The following PCDHGB7 variants were observed in gnomAD, a reference collection of about 807,000 sequenced individuals.
The protein encoded by PCDHGB7 is protocadherin gamma-B7.
A neutral mutation model predicts 61.4 loss-of-function variants in PCDHGB7; 37 were observed. The observed-to-expected ratio is 0.60, with a 90% CI of 0.46 to 0.79. PCDHGB7 has a LOEUF of 0.79. Among genes scored for constraint, PCDHGB7 ranks in the 30% least tolerant of loss-of-function variants. The pLI, the probability that PCDHGB7 is intolerant of heterozygous loss-of-function variation, is 0.00. For synonymous variants in PCDHGB7, 464 were observed against 503.5 expected (o/e 0.92, Z 1.05); for missense variants, 1,166 against 1,202.5 (o/e 0.97, Z 0.45).
intron 1 of PCDHGB7, chr5:141,429,265 T>C (rs1297239650): frequency 6.6e-6 from 1 of 152,148 alleles, no homozygotes; most frequent in Non-Finnish European, 1.5e-5. Flanking sequence ...GAGGAATAAA[T>C]TTTTTTCCTG....
At chr5:141,505,300 G>A in intron 2 of PCDHGB7, 93 bp from the exon 3 acceptor site, 1 of 1,589,042 alleles carries the variant, frequency 6.3e-7, no homozygotes, top group South Asian at 1.1e-5. Flanking sequence ...GGTAGGGTTA[G>A]GGTACTAGGT....
In PCDHGB7 at chr5:141,491,832, C is replaced by A; in HGVS notation, c.2416-2975C>A. On this transcript the variant is annotated intron_variant, in intron 1 of 3. Coordinates refer to ENST00000398594, the MANE Select transcript of PCDHGB7 (RefSeq NM_018927.4). The surrounding 1 kb of genome is among the most constrained non-coding windows in gnomAD (Gnocchi z 6.9). ...GTCGCTGGCTGCGCTCCACCCGATT[C>A]TCGGGATCATTGGACCGTTTGCGCG... 6.8e-7 allele frequency: 1 copy of A among 1,474,424 alleles called. No individual in the cohort carries two copies. 91.3% of individuals were successfully genotyped at this position (1,474,424 alleles called of 1,614,324 possible).
rs1040753474 is a variant in PCDHGB7 at position 141,511,446 on chromosome 5, G to T, written c.*273G>T. 3.1e-6 allele frequency: 2 copies of T among 654,526 alleles called. No individual in the cohort carries two copies. The highest frequency in any genetic ancestry group is 3.7e-5 in the African/African-American group (2 of 54,758). 40.5% of individuals were successfully genotyped at this position (654,526 alleles called of 1,614,324 possible). A position where few individuals can be genotyped will look rare whatever the true frequency, so the allele number is the denominator to read the frequency against. ...GTAGTGGGGTTACTGTAGACACCAA[G>T]AACCATTTGCCACACCCCGTTTAGT... On this transcript the variant is annotated 3_prime_UTR_variant, in exon 4 of 4. Transcript: ENST00000398594.
At position 141,423,482 on chromosome 5, in the gene PCDHGB7, A is replaced by T. The variant is rs553914622; in HGVS notation, c.2415+3208A>T. On this transcript the variant is annotated intron_variant, in intron 1 of 3. Transcript: ENST00000398594. ...GTGGACGGGGTACAGGCTTTCCTGC[A>T]AACCTATTCCCACGAGGTCTCTCTC... is the stretch of plus-strand genomic sequence containing the variant. 1.1e-5 allele frequency: 17 copies of T among 1,613,968 alleles called. No homozygotes were observed. The African/African-American group carries it at 2.3e-4, about 22-fold the overall frequency.
intron 1 of PCDHGB7, among the ~76,000 whole-genome samples, chr5:141,482,385 A>T (rs1238551737): frequency 6.6e-6 from 1 of 152,210 alleles, no homozygotes; most frequent in Non-Finnish European, 1.5e-5. Context: ...AAGTCCCTGT[A>T]TGGAGCAAGT....
chr5:141,430,629 C>A, intron 1 of PCDHGB7: 1 of 812,246 alleles, frequency 1.2e-6, no homozygotes. Context: ...AGGAATGAAC[C>A]ATCCCTGGGA....
At position 141,491,154 on chromosome 5, in the gene PCDHGB7, C is replaced by T. The variant is rs773308291; in HGVS notation, c.2416-3653C>T. ...CAGCCCGGGCCTTACTGGAGGATGACTCTGACACCCAGCAGGTGGTGGTCC... is the reference window on the plus strand; with the variant it reads ...CAGCCCGGGCCTTACTGGAGGATGATTCTGACACCCAGCAGGTGGTGGTCC... On this transcript the variant is annotated intron_variant, in intron 1 of 3. Coordinates refer to ENST00000398594, the MANE Select transcript of PCDHGB7 (RefSeq NM_018927.4). The surrounding 1 kb of genome is among the most constrained non-coding windows in gnomAD (Gnocchi z 6.9). The T allele has an allele frequency of 6.2e-7, 1 of 1,614,162 alleles. No homozygotes were observed. The highest frequency in any genetic ancestry group is 1.7e-5 in the Admixed American group (1 of 60,026).
chr5:141,501,478 T>A (rs536337246), intron 2 of PCDHGB7, among the ~76,000 whole-genome samples: 5 of 151,890 alleles, frequency 3.3e-5, no homozygotes, highest in Non-Finnish European at 7.4e-5. Flanking sequence ...CCTGGAAGAG[T>A]CCCTCATATC....
intron 1 of PCDHGB7, among the ~76,000 whole-genome samples, chr5:141,462,483 G>T (rs1402125086): frequency 2.0e-5 from 3 of 151,986 alleles, no homozygotes; most frequent in African/African-American, 7.3e-5. Context: ...TCTCGTGGTT[G>T]TTGTATCCTA....
chr5:141,428,426 C>T (rs1040765233), intron 1 of PCDHGB7: 1 of 435,172 alleles, frequency 2.3e-6, no homozygotes, highest in African/African-American at 2.0e-5. Context: ...GGTCTCTGTT[C>T]TAAGACTAGA....
At chr5:141,464,685 C>A (rs1283627323) in intron 1 of PCDHGB7, among the ~76,000 whole-genome samples, 1 of 152,006 alleles carries the variant, frequency 6.6e-6, no homozygotes, top group Non-Finnish European at 1.5e-5. Flanking sequence ...ATTAAAATTT[C>A]TCTTATTATG....
chr5:141,494,674 C>A lies in PCDHGB7; in HGVS notation c.2416-133C>A, dbSNP rs532644387. ...ATTTTGTCTTTGGAGATGAGTCCAC[C>A]CCTGCCCCCTCTTAGTCCGTTTTCT... is the stretch of plus-strand genomic sequence containing the variant. On this transcript the variant is annotated intron_variant, in intron 1 of 3. Transcript: ENST00000398594. 3.4e-5 allele frequency: 53 copies of A among 1,545,802 alleles called. No homozygotes were observed. In the African/African-American group the frequency reaches 6.5e-4, roughly 19 times the overall value.
intron 2 of PCDHGB7, among the ~76,000 whole-genome samples, chr5:141,502,705 T>C (rs1475675789): frequency 6.6e-6 from 1 of 152,248 alleles, no homozygotes; most frequent in African/African-American, 2.4e-5. Context: ...TATCTGTTTT[T>C]ACATCAGTGA....
chr5:141,490,808 A>C lies in PCDHGB7; in HGVS notation c.2416-3999A>C. On this transcript the variant is annotated intron_variant, in intron 1 of 3. Coordinates refer to ENST00000398594, the MANE Select transcript of PCDHGB7 (RefSeq NM_018927.4). The surrounding 1 kb of genome is among the most constrained non-coding windows in gnomAD (Gnocchi z 5.4). The stretch of plus-strand genomic sequence containing the variant: ...CGGATCTTTGCCCAGCGTACCTTTG[A>C]CTATGAATTGCTGCAGATGCTGCAG... 1 of 1,613,884 alleles carries C rather than the reference A, an allele frequency of 6.2e-7. No homozygotes were observed. The highest frequency in any genetic ancestry group is 8.5e-7 in the Non-Finnish European group (1 of 1,179,874).
At chr5:141,440,696 A>G (rs2098194818) in intron 1 of PCDHGB7, 1 of 152,210 alleles carries the variant, frequency 6.6e-6, no homozygotes, top group Non-Finnish European at 1.5e-5. Flanking sequence ...AAAGTGACCA[A>G]CAGTGGAAAG....
intron 1 of PCDHGB7, among the ~76,000 whole-genome samples, chr5:141,469,031 C>T (rs963001535): frequency 1.3e-5 from 2 of 152,070 alleles, no homozygotes; most frequent in Admixed American, 6.6e-5. Flanking sequence ...AATCCCAGCA[C>T]TTTGGGAGGC....
rs748605515 is a variant in PCDHGB7 at position 141,486,688 on chromosome 5, C to T, written c.2416-8119C>T. ...CCAGGAATCGAGATGTATCAGCTTC[C>T]TCTTTCATCTCTCTGAACCCCCAGA... On this transcript the variant is annotated intron_variant, in intron 1 of 3. Transcript: ENST00000398594. The surrounding 1 kb of genome is among the most constrained non-coding windows in gnomAD (Gnocchi z 5.0). 2 of 1,614,170 alleles carry T rather than the reference C, an allele frequency of 1.2e-6. No individual in the cohort carries two copies. The highest frequency in any genetic ancestry group is 1.1e-5 in the South Asian group (1 of 91,086).
At chr5:141,428,313 C>T in intron 1 of PCDHGB7, 1 of 671,482 alleles carries the variant, frequency 1.5e-6, no homozygotes, top group Non-Finnish European at 2.6e-6. Context: ...TGGTCGTGGC[C>T]TTGGCCTTGA....
chr5:141,467,952 C>A (rs1341210155), intron 1 of PCDHGB7, among the ~76,000 whole-genome samples: 1 of 152,186 alleles, frequency 6.6e-6, no homozygotes, highest in Non-Finnish European at 1.5e-5. Flanking sequence ...AGCCACCACA[C>A]CCGGCTGCCA....
Sources: gnomAD v4.1 joint callset for allele counts (sites outside exome capture counted in the v4.1 genomes callset) on GRCh38, gnomAD v4.1.1 for gene constraint, Gnocchi (gnomAD v3.1) non-coding constraint, MANE v1.5 for transcripts, NCBI Gene and HGNC (gene_info 2026-07-23, HGNC 2026-07-21) for gene names.